Variants in LRRC4C observed in about 807,000 individuals in gnomAD.
LRRC4C encodes leucine-rich repeat-containing protein 4C.
Under a neutral mutation model 33.6 loss-of-function variants are expected in LRRC4C, and 5 were observed. That is an observed-to-expected ratio of 0.15 (90% CI 0.08 to 0.31). The LOEUF is 0.31. Among genes scored for constraint, LRRC4C ranks in the 10% least tolerant of loss-of-function variants. The pLI is 1.00. For synonymous variants in LRRC4C, 329 were observed against 302.0 expected (o/e 1.09, Z -0.93); for missense variants, 560 against 796.7 (o/e 0.70, Z 3.58).
At chr11:41,280,387 G>A (rs958857071) in intron 1 of LRRC4C, among the ~76,000 whole-genome samples, 6 of 152,040 alleles carry the variant, frequency 3.9e-5, no homozygotes, top group Admixed American at 2.0e-4. Flanking sequence ...TTTGGAACTG[G>A]GGATCTATTC....
At chr11:40,733,029 T>G (rs1488498178) in intron 2 of LRRC4C, among the ~76,000 whole-genome samples, 1 of 151,304 alleles carries the variant, frequency 6.6e-6, no homozygotes, top group East Asian at 1.9e-4. Flanking sequence ...GGAATGTATG[T>G]CTGCCTGGAT....
intron 1 of LRRC4C, among the ~76,000 whole-genome samples, chr11:41,114,766 CT>C (rs1942029225): frequency 6.6e-6 from 1 of 152,062 alleles, no homozygotes; most frequent in Admixed American, 6.6e-5. Flanking sequence ...ACATTTAAAA[CT>C]TAGTTCAGCT....
rs1054866157 is a variant in LRRC4C, at chr11:40,473,404, C to A, written c.-269-153683G>T. 3.9e-5 allele frequency among the ~76,000 whole-genome samples: 6 copies of A among 152,166 alleles called. No individual in the cohort carries two copies. The East Asian group carries it at 1.2e-3, about 29-fold the overall frequency. On this transcript the variant is annotated intron_variant, in intron 3 of 6. Coordinates refer to ENST00000528697, the MANE Select transcript of LRRC4C (RefSeq NM_001258419.2). ...AAGGCCTTCCATAAAATTAAACACC[C>A]CTTCATGCTAAAACTCTCAATAAAC...
intron 3 of LRRC4C, among the ~76,000 whole-genome samples, chr11:40,581,070 GT>G (rs1958444095): frequency 6.6e-6 from 1 of 151,000 alleles, no homozygotes; most frequent in Admixed American, 6.6e-5. Context: ...TGGTCTTCTT[GT>G]TTTTATTCCT....
intron 2 of LRRC4C, among the ~76,000 whole-genome samples, chr11:40,802,153 A>G (rs1434069849): frequency 6.6e-6 from 1 of 152,178 alleles, no homozygotes; most frequent in African/African-American, 2.4e-5. Flanking sequence ...GAACTGTGCA[A>G]GTGCAGCCAG....
intron 2 of LRRC4C, among the ~76,000 whole-genome samples, chr11:40,773,775 A>T (rs1387845062): frequency 6.6e-6 from 1 of 152,050 alleles, no homozygotes. Flanking sequence ...GCCCAACTAT[A>T]TGTGGGCTAT....
chr11:41,426,681 T>C (rs1955054535), intron 1 of LRRC4C, among the ~76,000 whole-genome samples: 1 of 152,200 alleles, frequency 6.6e-6, no homozygotes, highest in Non-Finnish European at 1.5e-5. Context: ...CAAACCACAC[T>C]GAAACTTAGT....
At chr11:40,459,690 G>C (rs1236104987) in intron 3 of LRRC4C, among the ~76,000 whole-genome samples, 4 of 152,156 alleles carry the variant, frequency 2.6e-5, no homozygotes, top group African/African-American at 9.7e-5. Context: ...CACGAAAGAA[G>C]AACAAGGGTG....
At chr11:41,316,511 T>C (rs1026586616) in intron 1 of LRRC4C, among the ~76,000 whole-genome samples, 14 of 152,144 alleles carry the variant, frequency 9.2e-5, no homozygotes, top group African/African-American at 2.9e-4. Context: ...ATATATCACC[T>C]ACAGGAATCA....
chr11:40,977,046 ACAGGTCAT>A (rs1430034967), intron 1 of LRRC4C, among the ~76,000 whole-genome samples: 6 of 152,118 alleles, frequency 3.9e-5, no homozygotes, highest in Non-Finnish European at 7.4e-5. Flanking sequence ...GGAGACAGTG[ACAGGTCAT>A]CAGGTATTAG....
chr11:40,752,891 T>A (rs931705944), intron 2 of LRRC4C, among the ~76,000 whole-genome samples: 1 of 152,002 alleles, frequency 6.6e-6, no homozygotes, highest in Non-Finnish European at 1.5e-5. Flanking sequence ...AATGGATAAA[T>A]GTATAAAGAA....
intron 1 of LRRC4C, among the ~76,000 whole-genome samples, chr11:41,061,231 G>A (rs1937743865): frequency 6.6e-6 from 1 of 152,138 alleles, no homozygotes; most frequent in Admixed American, 6.6e-5. Context: ...AGGCGAGGGA[G>A]GAAAGAATAG....
At chr11:40,466,572 G>A (rs1952662909) in intron 3 of LRRC4C, among the ~76,000 whole-genome samples, 1 of 151,428 alleles carries the variant, frequency 6.6e-6, no homozygotes, top group African/African-American at 2.4e-5. Context: ...AATTCTTATA[G>A]GAATTTTTTT....
chr11:41,338,557 G>C (rs942918884), intron 1 of LRRC4C, among the ~76,000 whole-genome samples: 1 of 152,030 alleles, frequency 6.6e-6, no homozygotes, highest in African/African-American at 2.4e-5. Context: ...GTGGTGAGGA[G>C]GGAGAGCATC....
At chr11:41,149,193 G>A (rs561059935) in intron 1 of LRRC4C, among the ~76,000 whole-genome samples, 3 of 152,238 alleles carry the variant, frequency 2.0e-5, no homozygotes, top group Admixed American at 1.3e-4. Context: ...ATAATTGAAG[G>A]GTAGAGAAGG....
intron 2 of LRRC4C, among the ~76,000 whole-genome samples, chr11:40,854,628 A>T (rs887014082): frequency 5.9e-5 from 9 of 151,670 alleles, no homozygotes; most frequent in Non-Finnish European, 1.2e-4. Flanking sequence ...TTTCTGGTAT[A>T]GTTTTTTTGC....
chr11:40,619,050 A>G (rs1306161437), intron 3 of LRRC4C, among the ~76,000 whole-genome samples: 1 of 151,766 alleles, frequency 6.6e-6, no homozygotes, highest in African/African-American at 2.4e-5. Flanking sequence ...ACAGAAAGAC[A>G]AACATCACAT....
chr11:40,920,149 T>C (rs1053194846), intron 2 of LRRC4C, among the ~76,000 whole-genome samples: 2 of 152,178 alleles, frequency 1.3e-5, no homozygotes, highest in Non-Finnish European at 2.9e-5. Context: ...CAAGGATTCA[T>C]TGAGAACACT....
At chr11:40,558,557 C>A (rs1430646613) in intron 3 of LRRC4C, among the ~76,000 whole-genome samples, 1 of 152,192 alleles carries the variant, frequency 6.6e-6, no homozygotes, top group Non-Finnish European at 1.5e-5. Flanking sequence ...CTATCTCTTT[C>A]TTTGCTCTCT....
Sources: allele counts gnomAD v4.1 joint callset (sites outside exome capture counted in the v4.1 genomes callset), GRCh38; gene constraint gnomAD v4.1.1; transcripts MANE v1.5; gene names NCBI Gene and HGNC (gene_info 2026-07-23, HGNC 2026-07-21).